The following RBFOX1 variants were observed in gnomAD, a reference collection of about 807,000 sequenced individuals.
RBFOX1 encodes the protein RNA binding fox-1 homolog 1.
RBFOX1 carries 8 observed loss-of-function variants against 57.7 expected under a neutral mutation model. That is an observed-to-expected ratio of 0.14 (90% confidence interval 0.08 to 0.25). RBFOX1 has a LOEUF of 0.25. Among genes scored for constraint, RBFOX1 ranks in the 10% least tolerant of loss-of-function variants. The pLI is 1.00. For missense variants in RBFOX1, 611 were observed against 548.5 expected (o/e 1.11, Z -1.14); for synonymous variants, 326 against 222.4 (o/e 1.47, Z -4.15).
At chr16:7,532,703 G>T (rs182171517) in intron 5 of RBFOX1, among the ~76,000 whole-genome samples, 2 of 152,272 alleles carry the variant, frequency 1.3e-5, no homozygotes, top group African/African-American at 4.8e-5. Flanking sequence ...TCCTGCCTGC[G>T]ATGTTTTTGT....
chr16:6,990,166 T>A (rs1342285552), intron 3 of RBFOX1, among the ~76,000 whole-genome samples: 2 of 152,174 alleles, frequency 1.3e-5, no homozygotes, highest in Non-Finnish European at 2.9e-5. Context: ...TCAGTAAGTA[T>A]GTGTTGAAGA....
At chr16:7,420,984 C>T (rs1282592700) in intron 4 of RBFOX1, among the ~76,000 whole-genome samples, 3 of 150,122 alleles carry the variant, frequency 2.0e-5, no homozygotes, top group Non-Finnish European at 4.4e-5. Flanking sequence ...TGTAGTCCTG[C>T]GCTTTCCTGA....
At chr16:5,793,161 C>G (rs1304362639) in intron 3 of RBFOX1, among the ~76,000 whole-genome samples, 5 of 152,178 alleles carry the variant, frequency 3.3e-5, no homozygotes, top group Non-Finnish European at 5.9e-5. Flanking sequence ...GCTGGTCTCA[C>G]TTTTCTCTAA....
chr16:5,991,685 T>C (rs1307120245), intron 4 of RBFOX1, among the ~76,000 whole-genome samples: 2 of 149,838 alleles, frequency 1.3e-5, no homozygotes, highest in African/African-American at 4.9e-5. Context: ...GGAAGTTCTA[T>C]AACTTCTGTG....
chr16:5,367,350 A>G (rs1169314607), intron 1 of RBFOX1, among the ~76,000 whole-genome samples: 4 of 152,166 alleles, frequency 2.6e-5, no homozygotes, highest in African/African-American at 4.8e-5. Context: ...GCAGGTTCCC[A>G]TGGCTGGAGG....
chr16:6,682,545 C>G (rs542704439), intron 3 of RBFOX1, among the ~76,000 whole-genome samples: 2 of 152,130 alleles, frequency 1.3e-5, no homozygotes, highest in East Asian at 3.9e-4. Context: ...GCAAACTGGA[C>G]CGGTGCATGC....
At chr16:7,484,723 C>G (rs992917503) in intron 4 of RBFOX1, among the ~76,000 whole-genome samples, 1 of 152,178 alleles carries the variant, frequency 6.6e-6, no homozygotes, top group African/African-American at 2.4e-5. Flanking sequence ...TTCAGCCTCC[C>G]AAAGTTCTGG....
chr16:6,257,107 T>A (rs10431955), intron 1 of RBFOX1, among the ~76,000 whole-genome samples: 2 of 152,028 alleles, frequency 1.3e-5, no homozygotes, highest in South Asian at 4.2e-4. Flanking sequence ...CTTATTTTTC[T>A]TTTTTTAATT....
Position 6,339,041 on chromosome 16 carries a change from C to T in RBFOX1, c.-64+21984C>T, listed in dbSNP as rs2084160000. ...GACTTAGACAATTAGATAGAAGGATCAGGAGTGGAATGGAATATGGCAAGA... is the reference window on the plus strand; with the variant it reads ...GACTTAGACAATTAGATAGAAGGATTAGGAGTGGAATGGAATATGGCAAGA... On this transcript the variant is annotated intron_variant, in intron 2 of 15. Transcript: ENST00000550418. Among the ~76,000 whole-genome samples, 4 of 152,076 alleles carry T rather than the reference C, an allele frequency of 2.6e-5. 1 individual carries two copies. The South Asian group carries it at 8.3e-4, about 32-fold the overall frequency.
Position 6,988,779 on chromosome 16 carries a change from GT to G in RBFOX1, c.-15-63273del, listed in dbSNP as rs1456388136. 1.7e-4 allele frequency among the ~76,000 whole-genome samples: 20 copies of G among 117,742 alleles called. No individual in the cohort carries two copies. The South Asian group carries it at 5.1e-3, about 30-fold the overall frequency. The allele number at this position is 117,742 out of a possible 152,430, so 77.2% of individuals were successfully genotyped here. On this transcript the variant is annotated intron_variant, in intron 3 of 15. Coordinates refer to ENST00000550418, the MANE Select transcript of RBFOX1 (RefSeq NM_018723.4). ...TTTTGTTTTTTGTTTTTTGTTTTTT[GT>G]TTTTGTTTTTAAGATGGAGTCTTGC...
Position 6,873,164 on chromosome 16 carries a change from C to A in RBFOX1, c.-15-178893C>A, listed in dbSNP as rs1303382292. On this transcript the variant is annotated intron_variant, in intron 3 of 15. Coordinates refer to ENST00000550418, the MANE Select transcript of RBFOX1 (RefSeq NM_018723.4). ...AAAAAAAGCTCTATAGCAGACTTTCCTCCTGAAGCGTGAAGAAGGAATAAA... is the reference window on the plus strand; with the variant it reads ...AAAAAAAGCTCTATAGCAGACTTTCATCCTGAAGCGTGAAGAAGGAATAAA... 2.6e-5 allele frequency among the ~76,000 whole-genome samples: 4 copies of A among 151,276 alleles called. No individual in the cohort carries two copies. The South Asian group carries it at 8.3e-4, about 31-fold the overall frequency.
intron 1 of RBFOX1, among the ~76,000 whole-genome samples, chr16:6,276,782 A>G (rs538958149): frequency 1.3e-5 from 2 of 149,920 alleles, no homozygotes; most frequent in South Asian, 2.1e-4. Context: ...CTGTTTCCCC[A>G]CGTGTATTAC....
intron 3 of RBFOX1, among the ~76,000 whole-genome samples, chr16:5,609,532 G>T (rs971198835): frequency 6.6e-6 from 1 of 152,196 alleles, no homozygotes; most frequent in Non-Finnish European, 1.5e-5. Context: ...AGTAGTGGCA[G>T]GTGTCAAGCA....
intron 1 of RBFOX1, among the ~76,000 whole-genome samples, chr16:6,122,144 G>T (rs187899993): frequency 1.0e-3 from 157 of 152,244 alleles, no homozygotes; most frequent in African/African-American, 3.8e-3. Flanking sequence ...GGCCTCAGAT[G>T]ATCCGCCCAC....
chr16:6,571,346 A>G (rs2097341965), intron 2 of RBFOX1, among the ~76,000 whole-genome samples: 1 of 152,194 alleles, frequency 6.6e-6, no homozygotes, highest in Admixed American at 6.5e-5. Context: ...GCATCCTTCC[A>G]GAGAGAAGGG....
At chr16:5,679,563 C>G (rs2050267013) in intron 3 of RBFOX1, among the ~76,000 whole-genome samples, 2 of 152,122 alleles carry the variant, frequency 1.3e-5, no homozygotes, top group South Asian at 4.1e-4. Flanking sequence ...TCCATGTGTT[C>G]TCATTGTTCA....
intron 1 of RBFOX1, among the ~76,000 whole-genome samples, chr16:5,419,433 G>T (rs752717035): frequency 5.9e-5 from 9 of 151,960 alleles, no homozygotes; most frequent in Admixed American, 2.6e-4. Flanking sequence ...TTTTTTTCTG[G>T]CAATGCTGGC....
At chr16:7,453,372 G>T in intron 4 of RBFOX1, among the ~76,000 whole-genome samples, 1 of 152,120 alleles carries the variant, frequency 6.6e-6, no homozygotes, top group East Asian at 1.9e-4. Context: ...TAGGGAGGTG[G>T]AGAGTGGCCC....
Position 6,641,675 on chromosome 16 carries a change from C to T in RBFOX1, c.-63-12928C>T, listed in dbSNP as rs1001560799. Among the ~76,000 whole-genome samples, 4 of 143,268 alleles carry T rather than the reference C, an allele frequency of 2.8e-5. No homozygotes were observed. The East Asian group carries it at 8.3e-4, about 30-fold the overall frequency. 94.0% of individuals were successfully genotyped at this position (143,268 alleles called of 152,430 possible). A position where few individuals can be genotyped will look rare whatever the true frequency, so the allele number is the denominator to read the frequency against. Reference sequence around the variant, plus strand: ...ACTTGAACCTGGGAGGCGGAGGTTGCAGTGAGCTGAGATGGCACCACCGCA... The same window carrying T: ...ACTTGAACCTGGGAGGCGGAGGTTGTAGTGAGCTGAGATGGCACCACCGCA... On this transcript the variant is annotated intron_variant, in intron 2 of 15. Transcript: ENST00000550418.
Sources: allele counts gnomAD v4.1 joint callset (sites outside exome capture counted in the v4.1 genomes callset), GRCh38; gene constraint gnomAD v4.1.1; transcripts MANE v1.5; gene names NCBI Gene and HGNC (gene_info 2026-07-23, HGNC 2026-07-21).